Variants in TMEM223 observed in about 807,000 individuals in gnomAD.
TMEM223 encodes transmembrane protein 223.
A neutral mutation model predicts 14.1 loss-of-function variants in TMEM223; 14 were observed. The observed-to-expected ratio is 0.99, with a 90% CI of 0.66 to 1.55. TMEM223 has a LOEUF of 1.55. Among genes scored for constraint, TMEM223 ranks in the 40% most tolerant of loss-of-function variants. The pLI is 0.00. For synonymous variants in TMEM223, 145 were observed against 120.5 expected, an observed-to-expected ratio of 1.20 and a Z score of -1.33; for missense variants, 346 against 269.9, an observed-to-expected ratio of 1.28 and a Z score of -1.97.
At chr11:62,787,357 T>G, downstream of TMEM223, 1 of 1,537,586 alleles carries the variant, frequency 6.5e-7, no homozygotes, top group Non-Finnish European at 8.7e-7. Flanking sequence ...GTCTCCACCT[T>G]CGTGGGTCGC....
chr11:62,791,004 GGGATGAAAGTA>G, intron 1 of TMEM223, 89 bp from the exon 2 acceptor site: 1 of 1,374,234 alleles, frequency 7.3e-7, no homozygotes. Context: ...AGAAATTTGT[GGGATGAAAGTA>G]GTATTTACTG....
At chr11:62,786,812 C>T (rs753688533), downstream of TMEM223, 5 of 1,607,764 alleles carry the variant, frequency 3.1e-6, no homozygotes, top group East Asian at 2.2e-5. Context: ...GGCCAGCCTG[C>T]ACCCACGGCT....
intron 2 of TMEM223, among the ~76,000 whole-genome samples, chr11:62,772,350 C>T (rs1035314812): frequency 1.3e-5 from 2 of 151,760 alleles, no homozygotes. Context: ...GGTGAAACCT[C>T]GTCTCTACTA....
rs2084343611 is a variant in TMEM223 at position 62,790,214 on chromosome 11, G to A, written c.*409C>T. The A allele has an allele frequency of 2.7e-6, 2 of 740,816 alleles. No homozygotes were observed. The highest frequency in any genetic ancestry group is 2.1e-6 in the Non-Finnish European group (1 of 477,122). The allele number at this position is 740,816 out of a possible 1,614,324, so 45.9% of individuals were successfully genotyped here. ...TCCACCTCTTCCTGCAGCTGTTTTTGTACCAAAATATTATATTACTGTCTT... is the reference window on the plus strand; with the variant it reads ...TCCACCTCTTCCTGCAGCTGTTTTTATACCAAAATATTATATTACTGTCTT... On this transcript the variant is annotated 3_prime_UTR_variant, in exon 2 of 2. Transcript: ENST00000307366.
chr11:62,786,411 C>A, downstream of TMEM223: 1 of 1,607,878 alleles, frequency 6.2e-7, no homozygotes, highest in South Asian at 1.1e-5. Context: ...CCCTTCCAGC[C>A]TCCCTTCCCT....
chr11:62,790,086 G>A lies in TMEM223; in HGVS notation c.*537C>T, dbSNP rs201547189. 75 of 1,544,326 alleles carry A rather than the reference G, an allele frequency of 4.9e-5. No individual in the cohort carries two copies. Among genetic ancestry groups the A allele is most frequent in the Admixed American group, 4.4e-4 (22 of 50,454 alleles). On this transcript the variant is annotated 3_prime_UTR_variant, in exon 2 of 2. Transcript: ENST00000307366. ...TGCTTCCTGCAGCCGAAGACTCCAT[G>A]CCCAAGTGCCTGTAATCCCCCCCCT...
intron 1 of TMEM223, chr11:62,778,340 G>T: frequency 6.2e-7 from 1 of 1,614,190 alleles, no homozygotes; most frequent in Non-Finnish European, 8.5e-7. Flanking sequence ...GATCGGGTAA[G>T]GGGTGATGTA....
chr11:62,791,125 A>C (rs1339127848), intron 1 of TMEM223, among the ~76,000 whole-genome samples: 1 of 152,004 alleles, frequency 6.6e-6, no homozygotes, highest in African/African-American at 2.4e-5. Context: ...TCCTCCCAAC[A>C]ACCTTAATAG....
chr11:62,791,817 C>A lies in TMEM223; in HGVS notation c.178G>T (p.Ala60Ser). 6.3e-7 allele frequency: 1 copy of A among 1,584,518 alleles called. No individual in the cohort carries two copies. ...LFCAGQGVFW[A>S]SMAVAAVSRP... ...GACACGGCTGCCACAGCCATGGAAG[C>A]CCAGAAGACGCCCTGGCCCGCGCAG... The change falls in exon 1 of 2, where the codon GCT (alanine) becomes TCT (serine). Residue 60 changes from alanine to serine, a missense_variant. Coordinates refer to ENST00000307366, the MANE Select transcript of TMEM223 (RefSeq NM_001080501.3).
intron 1 of TMEM223, chr11:62,778,641 G>A (rs1318552977): frequency 4.9e-6 from 3 of 611,518 alleles, no homozygotes; most frequent in African/African-American, 1.9e-5. Context: ...GCTCTCAGGA[G>A]TCCGTCTGGC....
downstream of TMEM223, chr11:62,789,819 G>A: frequency 6.4e-7 from 1 of 1,573,184 alleles, no homozygotes; most frequent in Non-Finnish European, 8.6e-7. Flanking sequence ...TCAGAGTGGT[G>A]TGTGGGTGGG....
chr11:62,786,641 C>G (rs149852639), downstream of TMEM223: 3,692 of 1,602,832 alleles, frequency 2.3e-3, 7 homozygotes, highest in Non-Finnish European at 3.0e-3. Context: ...TTTCAAGAGT[C>G]GTCCTCCGGG....
At position 62,790,713 on chromosome 11, in the gene TMEM223, G is replaced by C. The variant is rs2084350879; in HGVS notation, c.519C>G (p.Gly173=). 6.8e-6 allele frequency: 11 copies of C among 1,611,684 alleles called. No individual in the cohort carries two copies. In the East Asian group the frequency reaches 2.5e-4, roughly 36 times the overall value. The change falls in exon 2 of 2, where the codon GGC becomes GGG. Residue 173 remains glycine, a synonymous_variant. Coordinates refer to ENST00000307366, the MANE Select transcript of TMEM223 (RefSeq NM_001080501.3). ...TGTCCAAGAGGAAATAGAAGCGTCG[G>C]CCTTTGACTTTCAGAGGTAGCATGG... ...VPAMLPLKVK[G]RRFYFLLDKT...
rs949450487 is a variant in TMEM223 at position 62,790,409 on chromosome 11, G to C, written c.*214C>G. The C allele has an allele frequency of 8.7e-6, 5 of 577,190 alleles. No homozygotes were observed. The highest frequency in any genetic ancestry group is 1.5e-5 in the Non-Finnish European group (5 of 332,932). 35.8% of individuals were successfully genotyped at this position (577,190 alleles called of 1,614,324 possible). On this transcript the variant is annotated 3_prime_UTR_variant, in exon 2 of 2. Transcript: ENST00000307366. The stretch of plus-strand genomic sequence containing the variant: ...TTGACCTCCTTGTGTGACCCTGGTT[G>C]TTACTCCATTCTAAGATTGGCGTTT...
In TMEM223 at chr11:62,779,972, A is replaced by T. The variant is rs1455680242; in HGVS notation, c.315-5307T>A. Reference sequence around the variant, plus strand: ...TGAGCCTATATATATATATATATATATATATTTTTTTTTTTTTTTTTTTTA... The same window carrying T: ...TGAGCCTATATATATATATATATATTTATATTTTTTTTTTTTTTTTTTTTA... On this transcript the variant is annotated intron_variant, in intron 1 of 2. Coordinates refer to the TMEM223 transcript ENST00000528367. 9.5e-3 allele frequency among the ~76,000 whole-genome samples: 584 copies of T among 61,284 alleles called. 10 individuals carry two copies. Among genetic ancestry groups the T allele is most frequent in the African/African-American group, 0.026 (533 of 20,172 alleles). 40.2% of individuals were successfully genotyped at this position (61,284 alleles called of 152,430 possible). A position where few individuals can be genotyped will look rare whatever the true frequency, so the allele number is the denominator to read the frequency against.
intron 1 of TMEM223, chr11:62,781,611 C>CT (rs1341753753): frequency 3.0e-6 from 1 of 336,320 alleles, no homozygotes; most frequent in Non-Finnish European, 5.6e-6. Flanking sequence ...GGAGGTGGAG[C>CT]TTGCAGTGAG....
chr11:62,791,942 G>A lies in TMEM223; in HGVS notation c.53C>T (p.Pro18Leu), dbSNP rs779784734. The change falls in exon 1 of 2, where the codon CCC becomes CTC. Residue 18 changes from proline to leucine, a missense_variant. Physicochemically the swap from Pro to Leu is moderately conservative, Grantham distance 98. Transcript: ENST00000307366. ...TTGCAGGGGCCGGCAGGTGAGCAGGGGCCGCAGCACGGCTAGCAGCCCCGT... is the reference window on the plus strand; with the variant it reads ...TTGCAGGGGCCGGCAGGTGAGCAGGAGCCGCAGCACGGCTAGCAGCCCCGT... ...WPTGLLAVLR[P>L]LLTCRPLQGT... The A allele has an allele frequency of 3.8e-6, 6 of 1,591,834 alleles. No individual in the cohort carries two copies. The highest frequency in any genetic ancestry group is 2.3e-5 in the East Asian group (1 of 43,942).
At chr11:62,772,879 TG>T (rs2134695173) in intron 2 of TMEM223, among the ~76,000 whole-genome samples, 1 of 152,102 alleles carries the variant, frequency 6.6e-6, no homozygotes, top group South Asian at 2.1e-4. Flanking sequence ...TTTTGTTTTT[TG>T]TTTTGTGTTT....
intron 1 of TMEM223, among the ~76,000 whole-genome samples, chr11:62,780,117 G>A (rs753473873): frequency 5.3e-5 from 8 of 150,504 alleles, no homozygotes; most frequent in Non-Finnish European, 8.9e-5. Flanking sequence ...TCAGGAGTTC[G>A]AGACCAGACT....
Sources: gnomAD v4.1 joint callset for allele counts (sites outside exome capture counted in the v4.1 genomes callset) on GRCh38, gnomAD v4.1.1 for gene constraint, MANE v1.5 for transcripts, NCBI Gene and HGNC (gene_info 2026-07-23, HGNC 2026-07-21) for gene names.